VCP: variants seen among roughly 807,000 people sequenced by gnomAD.
VCP encodes the protein transitional endoplasmic reticulum ATPase.
In VCP, 6 loss-of-function variants were observed where a neutral mutation model predicts 85.7. The observed-to-expected ratio is 0.07, with a 90% CI of 0.04 to 0.14. The LOEUF (loss-of-function observed/expected upper bound fraction) is 0.14, where lower values mean the gene tolerates loss of function less well. Ranked by LOEUF, VCP falls within the 10% of genes least tolerant of loss-of-function variation. VCP has a pLI of 1.00. For synonymous variants in VCP, 384 were observed against 367.1 expected (o/e 1.05, Z -0.53); for missense variants, 353 against 1,043.4 (o/e 0.34, Z 9.12).
At chr9:35,061,381 C>CT (rs1288629483) in intron 10 of VCP, among the ~76,000 whole-genome samples, 196 bp downstream of exon 10, 3 of 152,298 alleles carry the variant, frequency 2.0e-5, no homozygotes, top group African/African-American at 7.2e-5. Context: ...TCCAACAATT[C>CT]TGATTTACTC....
rs1554668432 is a variant in VCP at position 35,061,696 on chromosome 9, G to GACAGTACACCA, written c.1082-8_1082-7insTGGTGTACTGT. 5 of 1,589,784 alleles carry GACAGTACACCA rather than the reference G, an allele frequency of 3.1e-6. No individual in the cohort carries two copies. The South Asian group carries it at 5.5e-5, about 18-fold the overall frequency. On this transcript the variant is annotated splice_polypyrimidine_tract_variant and splice_region_variant and intron_variant, in intron 9 of 16. Transcript: ENST00000358901. ...ACCTCCCTGTCAAAGCGACCTGTGG[G>GACAGTACACCA]ACAGTACACAAACATAAACAGGGCT...
At position 35,072,603 on chromosome 9, in the gene VCP, G is replaced by A. The variant is rs886063894; in HGVS notation, c.-250C>T. 7.7e-5 allele frequency: 37 copies of A among 479,672 alleles called. No homozygotes were observed. Among genetic ancestry groups the A allele is most frequent in the African/African-American group, 7.4e-4 (36 of 48,502 alleles). 29.7% of individuals were successfully genotyped at this position (479,672 alleles called of 1,614,324 possible). ...AGCGGCAGCGACGACTCAAACGACGGTCGCAGACGCTTCGCTGAGACTGAG... is the reference window on the plus strand; with the variant it reads ...AGCGGCAGCGACGACTCAAACGACGATCGCAGACGCTTCGCTGAGACTGAG... On this transcript the variant is annotated 5_prime_UTR_variant, in exon 1 of 17. Transcript: ENST00000358901.
chr9:35,068,654 A>G (rs1282354414), intron 1 of VCP, among the ~76,000 whole-genome samples: 1 of 152,224 alleles, frequency 6.6e-6, no homozygotes, highest in Non-Finnish European at 1.5e-5. Context: ...GACATAATAG[A>G]AATGGAGGCT....
chr9:35,071,306 T>G (rs902746494), intron 1 of VCP, among the ~76,000 whole-genome samples: 4 of 142,702 alleles, frequency 2.8e-5, no homozygotes, highest in Middle Eastern at 3.4e-3. Flanking sequence ...TTTTTTTTTT[T>G]TTTTTTTTTT....
intron 16 of VCP, 32 bp downstream of exon 16, chr9:35,057,344 T>C: frequency 6.2e-7 from 1 of 1,614,094 alleles, no homozygotes; most frequent in Non-Finnish European, 8.5e-7. Context: ...CAAAGTAACT[T>C]AAGCACTGTC....
Position 35,060,604 on chromosome 9 carries a change from A to G in VCP, c.1483-79T>C, listed in dbSNP as rs1206165930. The G allele has an allele frequency of 1.6e-5, 24 of 1,541,180 alleles. 1 individual carries two copies. The highest frequency in any genetic ancestry group is 4.2e-4 in the Middle Eastern group (2 of 4,722). ...CTAACTAAACAGAAGCATCCCCTCC[A>G]TTATTTCATGGTGTACCCAATGGTA... On this transcript the variant is annotated intron_variant, in intron 12 of 16. Coordinates refer to ENST00000358901, the MANE Select transcript of VCP (RefSeq NM_007126.5).
intron 13 of VCP, 75 bp downstream of exon 13, chr9:35,060,237 AC>A (rs1192468842): frequency 6.8e-6 from 10 of 1,465,282 alleles, no homozygotes; most frequent in East Asian, 4.6e-5. Context: ...GAATATTTCA[AC>A]CCTCTTAAAG....
At position 35,059,958 on chromosome 9, in the gene VCP, C is replaced by T. The variant is rs1321156086; in HGVS notation, c.1696-157G>A. 3.3e-6 allele frequency: 3 copies of T among 906,766 alleles called. No homozygotes were observed. The East Asian group carries it at 7.9e-5, about 24-fold the overall frequency. The allele number at this position is 906,766 out of a possible 1,614,324, so 56.2% of individuals were successfully genotyped here. A position where few individuals can be genotyped will look rare whatever the true frequency, so the allele number is the denominator to read the frequency against. Reference sequence around the variant, plus strand: ...AACCAGCATGGGCAACATACTGAGACTTTGTCTCTACAAAAAATAAAAAAT... The same window carrying T: ...AACCAGCATGGGCAACATACTGAGATTTTGTCTCTACAAAAAATAAAAAAT... On this transcript the variant is annotated intron_variant, in intron 13 of 16. Transcript: ENST00000358901. The surrounding 1 kb of genome is among the most constrained non-coding windows in gnomAD (Gnocchi z 4.9).
intron 6 of VCP, among the ~76,000 whole-genome samples, chr9:35,063,486 C>G (rs1828767552): frequency 6.6e-6 from 1 of 152,180 alleles, no homozygotes; most frequent in Non-Finnish European, 1.5e-5. Flanking sequence ...ATCACTCACT[C>G]CAGTAATCAT....
chr9:35,067,435 C>T (rs913114909), intron 3 of VCP, among the ~76,000 whole-genome samples: 5 of 152,188 alleles, frequency 3.3e-5, no homozygotes, highest in Admixed American at 6.5e-5. Context: ...TCCTCTCTCC[C>T]GGGTTAACTT....
At chr9:35,066,430 T>C (rs1051722375) in intron 4 of VCP, among the ~76,000 whole-genome samples, 3 of 151,858 alleles carry the variant, frequency 2.0e-5, no homozygotes, top group Middle Eastern at 3.4e-3. Context: ...TTTCGCCATG[T>C]TGGCCAGGCT....
chr9:35,063,582 C>A (rs1828769429), intron 6 of VCP, among the ~76,000 whole-genome samples: 1 of 152,166 alleles, frequency 6.6e-6, no homozygotes, highest in Non-Finnish European at 1.5e-5. Context: ...TGGCCTCATC[C>A]ACAAGCAGAA....
chr9:35,057,129 G>A lies in VCP; in HGVS notation c.2409C>T (p.Asp803=). The A allele has an allele frequency of 6.2e-7, 1 of 1,614,098 alleles. No homozygotes were observed. Among genetic ancestry groups the A allele is most frequent in the South Asian group, 1.1e-5 (1 of 91,086 alleles). ...TGGCCACCACCACTTAGCCATACAG[G>A]TCATCATCATTGTCTTCTGTGTATA... ...GSVYTEDNDD[D]LYG The change falls in exon 17 of 17, where the codon GAC becomes GAT. Residue 803 remains aspartate (D), a synonymous_variant. Coordinates refer to ENST00000358901, the MANE Select transcript of VCP (RefSeq NM_007126.5).
At position 35,072,408 on chromosome 9, in the gene VCP, G is replaced by C. The variant is rs1052108310; in HGVS notation, c.-55C>G. 2.1e-6 allele frequency: 3 copies of C among 1,457,298 alleles called. No homozygotes were observed. The allele number at this position is 1,457,298 out of a possible 1,614,324, so 90.3% of individuals were successfully genotyped here. On this transcript the variant is annotated 5_prime_UTR_variant, in exon 1 of 17. Transcript: ENST00000358901. ...GGCGGCCCGCGGGTAACGGCTACGA[G>C]CGGTGGCAAGCGACCGACTGGGCCG...
intron 6 of VCP, among the ~76,000 whole-genome samples, chr9:35,063,299 T>G (rs1008131763): frequency 6.6e-6 from 1 of 152,228 alleles, no homozygotes. Context: ...CATTTATGAT[T>G]GCAACTTGCA....
chr9:35,061,510 T>TC, intron 10 of VCP, 67 bp downstream of exon 10: 1 of 1,437,900 alleles, frequency 7.0e-7, no homozygotes, highest in Non-Finnish European at 9.8e-7. Context: ...ACCTTATGTC[T>TC]CTAGCCAGTT....
intron 6 of VCP, among the ~76,000 whole-genome samples, chr9:35,063,292 T>C (rs889680795): frequency 2.2e-4 from 34 of 152,174 alleles, no homozygotes; most frequent in African/African-American, 8.2e-4. Flanking sequence ...TGGGCAACAT[T>C]TATGATTGCA....
intron 6 of VCP, among the ~76,000 whole-genome samples, chr9:35,063,865 C>G (rs567879167): frequency 6.6e-6 from 1 of 152,182 alleles, no homozygotes; most frequent in Non-Finnish European, 1.5e-5. Context: ...TCCATTGATA[C>G]AAGAATGGCT....
intron 1 of VCP, chr9:35,071,979 G>A (rs181215516): frequency 1.0e-5 from 11 of 1,091,702 alleles, no homozygotes; most frequent in Admixed American, 5.6e-5. Flanking sequence ...CGGCAGACTG[G>A]CGCCCCAAAG....
Sources: allele counts gnomAD v4.1 joint callset (sites outside exome capture counted in the v4.1 genomes callset), GRCh38; gene constraint gnomAD v4.1.1; non-coding constraint Gnocchi (gnomAD v3.1); transcripts MANE v1.5; gene names NCBI Gene and HGNC (gene_info 2026-07-23, HGNC 2026-07-21).